TMEM108: variants seen among roughly 807,000 people sequenced by gnomAD.
TMEM108 encodes the protein transmembrane protein 108.
TMEM108 carries 12 observed loss-of-function variants against 35.1 expected under a neutral mutation model. The ratio of observed to expected loss-of-function variants is 0.34; its 90% CI spans 0.22 to 0.55. The LOEUF (loss-of-function observed/expected upper bound fraction) is 0.55, where lower values mean the gene tolerates loss of function less well. Ranked by LOEUF, TMEM108 falls within the 20% of genes least tolerant of loss-of-function variation. The pLI, the probability that TMEM108 is intolerant of heterozygous loss-of-function variation, is 0.89. For synonymous variants in TMEM108, 287 were observed against 308.6 expected (o/e 0.93, Z 0.73); for missense variants, 680 against 753.3 (o/e 0.90, Z 1.14).
intron 4 of TMEM108, among the ~76,000 whole-genome samples, chr3:133,383,978 G>A (rs1360416578): frequency 6.6e-6 from 1 of 152,144 alleles, no homozygotes; most frequent in Admixed American, 6.5e-5. Flanking sequence ...CCCTGTGAAG[G>A]CTCCAGTGAG....
At chr3:133,153,678 T>C (rs1944833848) in intron 2 of TMEM108, among the ~76,000 whole-genome samples, 1 of 152,164 alleles carries the variant, frequency 6.6e-6, no homozygotes, top group African/African-American at 2.4e-5. Flanking sequence ...TTCCAGGGTT[T>C]TCAGAAAAAA....
At chr3:133,164,164 A>T (rs575879339) in intron 2 of TMEM108, among the ~76,000 whole-genome samples, 113 of 152,168 alleles carry the variant, frequency 7.4e-4, no homozygotes, top group Non-Finnish European at 1.3e-3. Context: ...CTTCACATGG[A>T]CTATATTTTT....
At chr3:133,378,087 C>T (rs1025182819) in intron 3 of TMEM108, among the ~76,000 whole-genome samples, 3 of 152,114 alleles carry the variant, frequency 2.0e-5, no homozygotes, top group Admixed American at 1.3e-4. Context: ...GGTTGGGGAC[C>T]GCTAGTCTAG....
chr3:133,254,482 G>C (rs1046995490), intron 3 of TMEM108, among the ~76,000 whole-genome samples: 3 of 152,152 alleles, frequency 2.0e-5, no homozygotes, highest in African/African-American at 7.2e-5. Context: ...AATTCTCTTG[G>C]TAGGAAAATG....
Position 133,346,759 on chromosome 3 carries a change from A to G in TMEM108, c.41-32993A>G, listed in dbSNP as rs2071830309. 6.6e-6 allele frequency among the ~76,000 whole-genome samples: 1 copy of G among 152,016 alleles called. No homozygotes were observed. The highest frequency in any genetic ancestry group is 6.6e-5 in the Admixed American group (1 of 15,244). ...ATTTTCTCCTATGTTATCTTCTACA[A>G]GTTCTATAGTTTTGCATTTTACATT... On this transcript the variant is annotated intron_variant, in intron 3 of 5. Transcript: ENST00000321871. The surrounding 1 kb of genome is among the most constrained non-coding windows in gnomAD (Gnocchi z 4.0).
At chr3:133,288,785 G>T (rs1389492195) in intron 3 of TMEM108, among the ~76,000 whole-genome samples, 3 of 152,068 alleles carry the variant, frequency 2.0e-5, no homozygotes, top group Admixed American at 2.0e-4. Flanking sequence ...TGTCATCCAG[G>T]CTGGAGTGCA....
At chr3:133,121,959 T>G (rs1944358351) in intron 2 of TMEM108, among the ~76,000 whole-genome samples, 1 of 152,188 alleles carries the variant, frequency 6.6e-6, no homozygotes, top group Non-Finnish European at 1.5e-5. Flanking sequence ...GAGTTGCCAG[T>G]GAAGAAGAGA....
chr3:133,314,822 A>T (rs2107714145), intron 3 of TMEM108, among the ~76,000 whole-genome samples: 1 of 152,318 alleles, frequency 6.6e-6, no homozygotes, highest in Non-Finnish European at 1.5e-5. Flanking sequence ...TCCAACACCA[A>T]AAGCTTATTA....
intron 3 of TMEM108, chr3:133,247,387 T>G (rs1400626760): frequency 6.6e-6 from 1 of 152,196 alleles, no homozygotes; most frequent in Non-Finnish European, 1.5e-5. Flanking sequence ...GCCCATGTTT[T>G]AGGAGCTAAC....
intron 1 of TMEM108, among the ~76,000 whole-genome samples, chr3:133,042,406 G>A (rs73003615): frequency 0.061 from 9,322 of 152,150 alleles, 986 homozygotes; most frequent in African/African-American, 0.21. Flanking sequence ...GTCCATTAAT[G>A]CCATCTTATT....
chr3:133,061,071 A>G lies in TMEM108; in HGVS notation c.-47+15051A>G, dbSNP rs115022000. ...AAATAATATGAGCCTATTTACATAA[A>G]ATTGTTTGTAAATGTATGGATGTAT... On this transcript the variant is annotated intron_variant, in intron 2 of 5. Coordinates refer to ENST00000321871, the MANE Select transcript of TMEM108 (RefSeq NM_023943.4). Among the ~76,000 whole-genome samples the G allele has an allele frequency of 7.7e-3, 1,170 of 152,276 alleles. 12 individuals carry two copies. Among genetic ancestry groups the G allele is most frequent in the African/African-American group, 0.026 (1,086 of 41,538 alleles).
In TMEM108 at chr3:133,379,913, C is replaced by A. The variant is rs1188514268; in HGVS notation, c.202C>A (p.Pro68Thr). ...ACATACTTCTGTGGTGATGCTGACC[C>A]CCAATCCCGATGGACCCCCCTCACA... ...TRHTSVVMLT[P>T]NPDGPPSQAA... Residue 68 changes from proline to threonine, a missense_variant, in exon 4 of 6, where the codon CCC becomes ACC. This residue lies in a region of TMEM108 where 526 missense variants were observed against 532.1 expected (regional missense o/e 0.99). Coordinates refer to ENST00000321871, the MANE Select transcript of TMEM108 (RefSeq NM_023943.4). 14 of 1,613,768 alleles carry A rather than the reference C, an allele frequency of 8.7e-6. No homozygotes were observed. The highest frequency in any genetic ancestry group is 1.0e-5 in the Non-Finnish European group (12 of 1,179,934).
chr3:133,179,811 A>G (rs1429900664), intron 2 of TMEM108, among the ~76,000 whole-genome samples: 1 of 142,150 alleles, frequency 7.0e-6, no homozygotes, highest in Non-Finnish European at 1.5e-5. Context: ...TATAATAAAA[A>G]AATAAAATAA....
chr3:133,131,274 C>T (rs921776393), intron 2 of TMEM108, among the ~76,000 whole-genome samples: 9 of 152,114 alleles, frequency 5.9e-5, no homozygotes, highest in Middle Eastern at 3.4e-3. Context: ...CATTTCTCAA[C>T]GTTTACAAAC....
chr3:133,202,245 C>T (rs1459662738), intron 2 of TMEM108, among the ~76,000 whole-genome samples: 1 of 152,092 alleles, frequency 6.6e-6, no homozygotes, highest in East Asian at 1.9e-4. Context: ...CTGTAGGTTG[C>T]CTGTTCACTC....
At chr3:133,152,638 T>G (rs1322568613) in intron 2 of TMEM108, among the ~76,000 whole-genome samples, 2 of 152,114 alleles carry the variant, frequency 1.3e-5, no homozygotes, top group African/African-American at 4.8e-5. Context: ...AATGGAGGAA[T>G]GAGAATATAA....
intron 2 of TMEM108, among the ~76,000 whole-genome samples, chr3:133,048,519 C>T (rs1320639203): frequency 1.3e-5 from 2 of 152,132 alleles, no homozygotes; most frequent in Non-Finnish European, 2.9e-5. Context: ...GAAGTGTAAC[C>T]TGCATTATTT....
chr3:133,178,649 A>G (rs911240524), intron 2 of TMEM108, among the ~76,000 whole-genome samples: 5 of 152,356 alleles, frequency 3.3e-5, no homozygotes, highest in African/African-American at 1.2e-4. Context: ...ACCTTATACA[A>G]AAATTAATCC....
chr3:133,166,163 T>A (rs1945033550), intron 2 of TMEM108, among the ~76,000 whole-genome samples: 1 of 152,128 alleles, frequency 6.6e-6, no homozygotes, highest in South Asian at 2.1e-4. Flanking sequence ...ATAAAAACCT[T>A]GTGACAATTA....
Sources: gnomAD v4.1 joint callset for allele counts (sites outside exome capture counted in the v4.1 genomes callset) on GRCh38, gnomAD v4.1.1 for gene constraint, gnomAD v4.1.1 regional missense constraint, Gnocchi (gnomAD v3.1) non-coding constraint, MANE v1.5 for transcripts, NCBI Gene and HGNC (gene_info 2026-07-23, HGNC 2026-07-21) for gene names.